Variants in ACOX2 observed in about 807,000 individuals in gnomAD.
ACOX2 encodes peroxisomal acyl-coenzyme A oxidase 2.
A neutral mutation model predicts 77.5 loss-of-function variants in ACOX2; 59 were observed. That is an observed-to-expected ratio of 0.76 (90% confidence interval 0.62 to 0.95). The LOEUF (loss-of-function observed/expected upper bound fraction) is 0.95. Ranked by LOEUF, ACOX2 falls within the 40% of genes least tolerant of loss-of-function variation. The probability of loss-of-function intolerance (pLI) is 0.00; values close to 1 mark genes in which losing one functional copy is unlikely to be tolerated. For missense variants in ACOX2, 837 were observed against 880.4 expected, an observed-to-expected ratio of 0.95 and a Z score of 0.62; for synonymous variants, 317 against 340.1, an observed-to-expected ratio of 0.93 and a Z score of 0.75.
Position 58,528,859 on chromosome 3 carries a change from G to T in ACOX2, c.1090C>A (p.Leu364Ile). 1 of 1,613,926 alleles carries T rather than the reference G, an allele frequency of 6.2e-7. No homozygotes were observed. The highest frequency in any genetic ancestry group is 8.5e-7 in the Non-Finnish European group (1 of 1,179,912). ...TAGGAGTGCTGGAAGAACTCCAAGA[G>T]GCTGACTGCCAGGAAATGGAAGGCA... ...SYAFHFLAVSLLEFFQHSYTA... is the reference protein window; with the variant it reads ...SYAFHFLAVSILEFFQHSYTA... Residue 364 changes from leucine (L) to isoleucine (I), a missense_variant, in exon 9 of 15, where the codon CTC becomes ATC. Physicochemically the swap from Leu to Ile is conservative, Grantham distance 5. Transcript: ENST00000302819. This position sits in a 1 kb window ranked among gnomAD's most constrained non-coding sequence, Gnocchi z 5.6.
Position 58,506,678 on chromosome 3 carries a change from T to TC in ACOX2, c.1984-1393_1984-1392insG, listed in dbSNP as rs577877241. ...TGGGTTTGGTGGCTTGTGCCTGTAA[T>TC]GCCAGCTACTTGGGAGGCAGGAGAA... is the stretch of plus-strand genomic sequence containing the variant. On this transcript the variant is annotated intron_variant, in intron 14 of 14. Coordinates refer to ENST00000302819, the MANE Select transcript of ACOX2 (RefSeq NM_003500.4). Among the ~76,000 whole-genome samples, 1,420 of 152,258 alleles carry TC rather than the reference T, an allele frequency of 9.3e-3. 10 individuals are homozygous for TC. Among genetic ancestry groups the TC allele is most frequent in the Non-Finnish European group, 0.014 (959 of 68,010 alleles).
rs774568722 is a variant in ACOX2 at position 58,513,609 on chromosome 3, G to A, written c.1850+3597C>T. Among the ~76,000 whole-genome samples the A allele has an allele frequency of 9.3e-5, 14 of 150,308 alleles. No individual in the cohort carries two copies. The Middle Eastern group carries it at 0.01, about 112-fold the overall frequency. On this transcript the variant is annotated intron_variant, in intron 13 of 14. Coordinates refer to ENST00000302819, the MANE Select transcript of ACOX2 (RefSeq NM_003500.4). ...GTTTTTATTTTGTGGTTGCAATACC[G>A]TCTCTTAACTCTGAGATATCACTGT...
intron 8 of ACOX2, among the ~76,000 whole-genome samples, chr3:58,529,492 G>A (rs951454534): frequency 9.2e-5 from 14 of 152,308 alleles, no homozygotes; most frequent in African/African-American, 3.1e-4. Context: ...TTAGGAGCTC[G>A]CAGTAACTGG....
Position 58,524,053 on chromosome 3 carries a change from C to T in ACOX2, c.1526+373G>A, listed in dbSNP as rs1032156013. Among the ~76,000 whole-genome samples, 9 of 152,154 alleles carry T rather than the reference C, an allele frequency of 5.9e-5. No individual in the cohort carries two copies. Among genetic ancestry groups the T allele is most frequent in the African/African-American group, 1.4e-4 (6 of 41,432 alleles). On this transcript the variant is annotated intron_variant, in intron 11 of 14. Transcript: ENST00000302819. The surrounding 1 kb of genome is among the most constrained non-coding windows in gnomAD (Gnocchi z 5.5). ...TTTTTAGATTATGGGATATTTCAAACGTACGAGTGAGTATTGCTTTATTTA... is the reference window on the plus strand; with the variant it reads ...TTTTTAGATTATGGGATATTTCAAATGTACGAGTGAGTATTGCTTTATTTA...
chr3:58,509,528 AAAAT>A (rs377185878), intron 13 of ACOX2, among the ~76,000 whole-genome samples: 12 of 151,570 alleles, frequency 7.9e-5, no homozygotes, highest in Admixed American at 1.3e-4. Context: ...CTCCTGTCCC[AAAAT>A]AAATAAATAA....
chr3:58,529,059 C>T, intron 8 of ACOX2, 103 bp from the exon 9 acceptor site: 1 of 1,265,188 alleles, frequency 7.9e-7, no homozygotes, highest in Non-Finnish European at 1.1e-6. Flanking sequence ...TTCCTTAGAA[C>T]TCATTGCAAA....
In ACOX2 at chr3:58,534,315, C is replaced by T. The variant is rs766910542; in HGVS notation, c.323+45G>A. Reference sequence around the variant, plus strand: ...TGGGGCTAGGGGGTTTCCAGGTGATCCCAGGTAGATCCCTCTCTAGTGGGG... The same window carrying T: ...TGGGGCTAGGGGGTTTCCAGGTGATTCCAGGTAGATCCCTCTCTAGTGGGG... On this transcript the variant is annotated intron_variant, in intron 3 of 14. Transcript: ENST00000302819. This position sits in a 1 kb window ranked among gnomAD's most constrained non-coding sequence, Gnocchi z 4.8. The T allele has an allele frequency of 6.2e-7, 1 of 1,608,342 alleles. No homozygotes were observed. Among genetic ancestry groups the T allele is most frequent in the Non-Finnish European group, 8.5e-7 (1 of 1,177,074 alleles).
In ACOX2 at chr3:58,524,769, C is replaced by A. The variant is rs774596666; in HGVS notation, c.1347-164G>T. Among the ~76,000 whole-genome samples the A allele has an allele frequency of 4.6e-5, 7 of 152,204 alleles. No individual in the cohort carries two copies. The highest frequency in any genetic ancestry group is 7.4e-5 in the Non-Finnish European group (5 of 68,022). On this transcript the variant is annotated intron_variant, in intron 10 of 14. Coordinates refer to ENST00000302819, the MANE Select transcript of ACOX2 (RefSeq NM_003500.4). This position sits in a 1 kb window ranked among gnomAD's most constrained non-coding sequence, Gnocchi z 5.5. ...GGCCTCCCTCCTGAGGGTTCCCCCTCGGGCCGTCCTGCCTCGAGGCCCTCA... is the reference window on the plus strand; with the variant it reads ...GGCCTCCCTCCTGAGGGTTCCCCCTAGGGCCGTCCTGCCTCGAGGCCCTCA...
At position 58,533,672 on chromosome 3, in the gene ACOX2, C is replaced by T. The variant is rs2063457112; in HGVS notation, c.476-120G>A. On this transcript the variant is annotated intron_variant, in intron 4 of 14. Transcript: ENST00000302819. This position sits in a 1 kb window ranked among gnomAD's most constrained non-coding sequence, Gnocchi z 5.6. ...GCAGTATGGAGTGGGGCCCAGCTCC[C>T]AGCTGTACTTGCAGGCAGTTCTCCC... The T allele has an allele frequency of 6.9e-6, 6 of 869,310 alleles. No homozygotes were observed. The highest frequency in any genetic ancestry group is 1.6e-5 in the South Asian group (1 of 63,968). The allele number at this position is 869,310 out of a possible 1,614,324, so 53.8% of individuals were successfully genotyped here.
At chr3:58,510,896 T>C in intron 13 of ACOX2, 1 of 445,954 alleles carries the variant, frequency 2.2e-6, no homozygotes, top group South Asian at 1.6e-5. Flanking sequence ...TGGGCCCTGA[T>C]TGCAGCTCAG....
At position 58,530,322 on chromosome 3, in the gene ACOX2, T is replaced by TTTTGTG. The variant is rs1380872033; in HGVS notation, c.992+138_992+143dup. ...CCCAGATGGGGCCAGGCTGGGTAGA[T>TTTTGTG]TTTGTGTTTGTGTGTGTGTATGTGG... On this transcript the variant is annotated intron_variant, in intron 8 of 14. Transcript: ENST00000302819. 7 of 1,205,824 alleles carry TTTTGTG rather than the reference T, an allele frequency of 5.8e-6. No individual in the cohort carries two copies. The Admixed American group carries it at 1.4e-4, about 25-fold the overall frequency. The allele number at this position is 1,205,824 out of a possible 1,614,324, so 74.7% of individuals were successfully genotyped here.
At chr3:58,527,611 C>T (rs2063405914) in intron 9 of ACOX2, among the ~76,000 whole-genome samples, 1 of 151,944 alleles carries the variant, frequency 6.6e-6, no homozygotes, top group Non-Finnish European at 1.5e-5. Context: ...AGGAAGCAGG[C>T]CCTCACCTGA....
At position 58,515,347 on chromosome 3, in the gene ACOX2, CT is replaced by C. The variant is rs1199337559; in HGVS notation, c.1850+1858del. Among the ~76,000 whole-genome samples the C allele has an allele frequency of 6.6e-6, 1 of 151,834 alleles. No individual in the cohort carries two copies. Among genetic ancestry groups the C allele is most frequent in the Non-Finnish European group, 1.5e-5 (1 of 67,964 alleles). On this transcript the variant is annotated intron_variant, in intron 13 of 14. Transcript: ENST00000302819. This position sits in a 1 kb window ranked among gnomAD's most constrained non-coding sequence, Gnocchi z 4.0. ...GAACAAACATTTTTTTGACCACCAG[CT>C]ATCTGTTACATGCTATGAGTAGTCA... is the stretch of plus-strand genomic sequence containing the variant.
At position 58,535,214 on chromosome 3, in the gene ACOX2, C is replaced by T; in HGVS notation, c.-91-17G>A. 7.1e-7 allele frequency: 1 copy of T among 1,412,188 alleles called. No individual in the cohort carries two copies. Among genetic ancestry groups the T allele is most frequent in the Non-Finnish European group, 9.8e-7 (1 of 1,015,950 alleles). 87.5% of individuals were successfully genotyped at this position (1,412,188 alleles called of 1,614,324 possible). On this transcript the variant is annotated splice_polypyrimidine_tract_variant and intron_variant, in intron 1 of 14. Transcript: ENST00000302819. The surrounding 1 kb of genome is among the most constrained non-coding windows in gnomAD (Gnocchi z 4.8). ...GCAAAGAACCTGTGTGCAAGAGGAA[C>T]TGCCTAGGGCTGGGTGTCAGCCAGG...
chr3:58,524,378 T>C lies in ACOX2; in HGVS notation c.1526+48A>G, dbSNP rs373342072. Reference sequence around the variant, plus strand: ...CCAATCCAAAGGCCCTAGTGTGGCATGGAGCCTGTGCCCAGGTGGGATGGC... The same window carrying C: ...CCAATCCAAAGGCCCTAGTGTGGCACGGAGCCTGTGCCCAGGTGGGATGGC... On this transcript the variant is annotated intron_variant, in intron 11 of 14. Transcript: ENST00000302819. This position sits in a 1 kb window ranked among gnomAD's most constrained non-coding sequence, Gnocchi z 5.5. The C allele has an allele frequency of 3.1e-6, 5 of 1,590,394 alleles. No homozygotes were observed. The African/African-American group carries it at 5.4e-5, about 17-fold the overall frequency.
At chr3:58,509,078 A>C (rs1275066498) in intron 13 of ACOX2, 53 bp from the exon 14 acceptor site, 14 of 1,589,856 alleles carry the variant, frequency 8.8e-6, no homozygotes, top group Non-Finnish European at 1.2e-5. Flanking sequence ...TTATGAATCA[A>C]ACTAGTCTTG....
In ACOX2 at chr3:58,525,875, T is replaced by C. The variant is rs1277778454; in HGVS notation, c.1346+591A>G. The stretch of plus-strand genomic sequence containing the variant: ...CCATCTCTACTAAAAATACAAAAAT[T>C]AGATGGGCATGGTGGTGTGTAATCC... On this transcript the variant is annotated intron_variant, in intron 10 of 14. Coordinates refer to ENST00000302819, the MANE Select transcript of ACOX2 (RefSeq NM_003500.4). The surrounding 1 kb of genome is among the most constrained non-coding windows in gnomAD (Gnocchi z 5.0). 6.6e-6 allele frequency among the ~76,000 whole-genome samples: 1 copy of C among 151,750 alleles called. No homozygotes were observed. The highest frequency in any genetic ancestry group is 1.5e-5 in the Non-Finnish European group (1 of 67,932).
At chr3:58,520,055 C>T (rs1328946562) in intron 12 of ACOX2, among the ~76,000 whole-genome samples, 1 of 152,230 alleles carries the variant, frequency 6.6e-6, no homozygotes, top group Non-Finnish European at 1.5e-5. Context: ...TGAGCTGAAC[C>T]TTGGCCCCAC....
intron 12 of ACOX2, among the ~76,000 whole-genome samples, chr3:58,520,160 A>G (rs1281795724): frequency 6.6e-6 from 1 of 152,210 alleles, no homozygotes; most frequent in Admixed American, 6.5e-5. Context: ...CTGCCTCTCT[A>G]AGTTTTACTT....
Sources: allele counts gnomAD v4.1 joint callset (sites outside exome capture counted in the v4.1 genomes callset), GRCh38; gene constraint gnomAD v4.1.1; non-coding constraint Gnocchi (gnomAD v3.1); transcripts MANE v1.5; gene names NCBI Gene and HGNC (gene_info 2026-07-23, HGNC 2026-07-21).